The following MSH3 variants were observed in gnomAD, a reference collection of about 807,000 sequenced individuals.
The protein encoded by MSH3 is DNA mismatch repair protein Msh3.
A neutral mutation model predicts 123.3 loss-of-function variants in MSH3; 106 were observed. That is an observed-to-expected ratio of 0.86 (90% CI 0.73 to 1.01). The LOEUF (loss-of-function observed/expected upper bound fraction) is 1.01, where lower values mean the gene tolerates loss of function less well. Ranked by LOEUF, MSH3 falls within the 50% of genes least tolerant of loss-of-function variation. MSH3 has a pLI of 0.00. For synonymous variants in MSH3, 515 were observed against 481.4 expected, an observed-to-expected ratio of 1.07 and a Z score of -0.91; for missense variants, 1,459 against 1,347.6, an observed-to-expected ratio of 1.08 and a Z score of -1.29.
intron 19 of MSH3, among the ~76,000 whole-genome samples, chr5:80,797,233 ACC>A (rs1744714131): frequency 6.6e-6 from 1 of 151,960 alleles, no homozygotes; most frequent in South Asian, 2.1e-4. Flanking sequence ...TACTTATTCC[ACC>A]AAATTATAAT....
intron 18 of MSH3, among the ~76,000 whole-genome samples, chr5:80,790,804 G>A (rs1483906021): frequency 6.6e-6 from 1 of 152,080 alleles, no homozygotes; most frequent in African/African-American, 2.4e-5. Flanking sequence ...TTGACAGAAG[G>A]CCTTTCATAA....
chr5:80,856,989 G>T (rs1166031496), intron 21 of MSH3, among the ~76,000 whole-genome samples: 1 of 152,150 alleles, frequency 6.6e-6, no homozygotes, highest in African/African-American at 2.4e-5. Context: ...ATCTTAGTGG[G>T]AAAGCTTTGA....
chr5:80,749,789 C>T (rs1363094321), intron 12 of MSH3, among the ~76,000 whole-genome samples: 1 of 152,084 alleles, frequency 6.6e-6, no homozygotes, highest in Non-Finnish European at 1.5e-5. Context: ...AGTCACCGTA[C>T]TATGCAATAG....
At chr5:80,874,234 AC>A in intron 23 of MSH3, among the ~76,000 whole-genome samples, 2 of 152,326 alleles carry the variant, frequency 1.3e-5, no homozygotes, top group Admixed American at 1.3e-4. Context: ...ACAGTTGCTA[AC>A]TTGTTTACCA....
intron 8 of MSH3, among the ~76,000 whole-genome samples, chr5:80,699,873 T>G (rs2112837137): frequency 6.6e-6 from 1 of 152,322 alleles, no homozygotes; most frequent in African/African-American, 2.4e-5. Flanking sequence ...TGATGATAAC[T>G]AGGCACTAGC....
At chr5:80,838,234 A>G (rs1048873082) in intron 20 of MSH3, among the ~76,000 whole-genome samples, 23 of 152,236 alleles carry the variant, frequency 1.5e-4, no homozygotes, top group South Asian at 4.1e-4. Context: ...ACTATAGAGC[A>G]TGTCCACCAC....
intron 8 of MSH3, among the ~76,000 whole-genome samples, chr5:80,691,925 A>ATAGATAAACATGTATATGTTTATC (rs1561444386): frequency 7.7e-6 from 1 of 129,538 alleles, no homozygotes; most frequent in East Asian, 2.4e-4. Flanking sequence ...ATATGTTTAT[A>ATAGATAAACATGTATATGTTTATC]TAGATAAACA....
At chr5:80,842,436 G>A (rs1745643337) in intron 20 of MSH3, among the ~76,000 whole-genome samples, 1 of 152,118 alleles carries the variant, frequency 6.6e-6, no homozygotes, top group South Asian at 2.1e-4. Flanking sequence ...TTCCAATTCT[G>A]TGAAGAAAAT....
At chr5:80,710,679 G>A (rs891749565) in intron 8 of MSH3, among the ~76,000 whole-genome samples, 1 of 152,110 alleles carries the variant, frequency 6.6e-6, no homozygotes, top group African/African-American at 2.4e-5. Context: ...ACAGGTCTGG[G>A]GTATAGTATG....
At position 80,787,581 on chromosome 5, in the gene MSH3, T is replaced by TATC. The variant is rs1276598650; in HGVS notation, c.2454_2456dup (p.His819dup). 1.2e-6 allele frequency: 2 copies of TATC among 1,613,266 alleles called. No homozygotes were observed. The highest frequency in any genetic ancestry group is 2.7e-5 in the African/African-American group (2 of 74,894). On this transcript the variant is annotated inframe_insertion, in exon 18 of 24. Transcript: ENST00000265081. ...CTTCCGTAGGAAATTCAGTGAACAT[T>TATC]ATCACTCCTTGTGTAAAGCAGTGCA...
chr5:80,789,708 G>C (rs1414333347), intron 18 of MSH3, among the ~76,000 whole-genome samples: 1 of 152,132 alleles, frequency 6.6e-6, no homozygotes, highest in African/African-American at 2.4e-5. Context: ...GAGCATCTGG[G>C]ATTTTATTAG....
intron 8 of MSH3, among the ~76,000 whole-genome samples, chr5:80,716,321 T>C (rs897619037): frequency 6.6e-6 from 1 of 152,188 alleles, no homozygotes; most frequent in Admixed American, 6.5e-5. Context: ...TCTTTATGAT[T>C]TTTTTGTTCT....
intron 8 of MSH3, among the ~76,000 whole-genome samples, chr5:80,713,149 C>G (rs572877849): frequency 6.6e-6 from 1 of 152,108 alleles, no homozygotes; most frequent in Non-Finnish European, 1.5e-5. Context: ...GGTAAGCTGA[C>G]ATTTGTTTGT....
intron 16 of MSH3, among the ~76,000 whole-genome samples, chr5:80,777,690 G>A (rs373499861): frequency 4.6e-5 from 7 of 152,302 alleles, no homozygotes; most frequent in African/African-American, 1.7e-4. Context: ...TGACAGAGAT[G>A]AGTTAGAACA....
chr5:80,663,778 A>G (rs1749500272), intron 2 of MSH3, among the ~76,000 whole-genome samples: 1 of 139,758 alleles, frequency 7.2e-6, no homozygotes, highest in Non-Finnish European at 1.6e-5. Flanking sequence ...AAAATTTTAA[A>G]CTATTTTTTT....
rs182723486 is a variant in MSH3 at position 80,865,314 on chromosome 5, C to T, written c.3130+372C>T. ...AGTATAATTAGTCATCTTTTAAAAA[C>T]GCCCAATATTTTCCCCAAAATATCA... is the stretch of plus-strand genomic sequence containing the variant. On this transcript the variant is annotated intron_variant, in intron 22 of 23. Coordinates refer to ENST00000265081, the MANE Select transcript of MSH3 (RefSeq NM_002439.5). Among the ~76,000 whole-genome samples, 488 of 152,256 alleles carry T rather than the reference C, an allele frequency of 3.2e-3. 2 individuals carry two copies. Among genetic ancestry groups the T allele is most frequent in the Non-Finnish European group, 5.2e-3 (351 of 68,014 alleles).
At position 80,734,777 on chromosome 5, in the gene MSH3, T is replaced by C. The variant is rs1743474808; in HGVS notation, c.1568+5812T>C. Among the ~76,000 whole-genome samples the C allele has an allele frequency of 2.0e-5, 3 of 152,206 alleles. No homozygotes were observed. In the South Asian group the frequency reaches 6.2e-4, roughly 32 times the overall value. On this transcript the variant is annotated intron_variant, in intron 10 of 23. Transcript: ENST00000265081. ...CCTTCAGCAGATCTCTGGAGCTGTATGTGCAGCTCTGTTATCTGGCATTCT... is the reference window on the plus strand; with the variant it reads ...CCTTCAGCAGATCTCTGGAGCTGTACGTGCAGCTCTGTTATCTGGCATTCT...
chr5:80,808,968 C>G (rs1339897068), intron 19 of MSH3, among the ~76,000 whole-genome samples: 1 of 149,050 alleles, frequency 6.7e-6, no homozygotes, highest in Admixed American at 6.7e-5. Context: ...AAATAAGTTT[C>G]ACATCTGACT....
At chr5:80,774,142 T>A (rs1744259813) in intron 15 of MSH3, among the ~76,000 whole-genome samples, 1 of 152,180 alleles carries the variant, frequency 6.6e-6, no homozygotes, top group African/African-American at 2.4e-5. Context: ...TAAAAATGAA[T>A]GGTGTGATAG....
Sources: allele counts gnomAD v4.1 joint callset (sites outside exome capture counted in the v4.1 genomes callset), GRCh38; gene constraint gnomAD v4.1.1; transcripts MANE v1.5; gene names NCBI Gene and HGNC (gene_info 2026-07-23, HGNC 2026-07-21).